Variants in ZBTB20 observed in about 807,000 individuals in gnomAD.
The protein encoded by ZBTB20 is zinc finger and BTB domain-containing protein 20.
In ZBTB20, 9 loss-of-function variants were observed where a neutral mutation model predicts 56.9. That is an observed-to-expected ratio of 0.16 (90% CI 0.10 to 0.28). The LOEUF (loss-of-function observed/expected upper bound fraction) is 0.28. Ranked by LOEUF, ZBTB20 falls within the 10% of genes least tolerant of loss-of-function variation. ZBTB20 has a pLI of 1.00. For missense variants in ZBTB20, 655 were observed against 1,003.0 expected (o/e 0.65, Z 4.69); for synonymous variants, 417 against 420.7 (o/e 0.99, Z 0.11).
chr3:114,711,619 C>T (rs1469669545), intron 5 of ZBTB20, among the ~76,000 whole-genome samples: 1 of 152,152 alleles, frequency 6.6e-6, no homozygotes, highest in East Asian at 1.9e-4. Context: ...GACGTTTTCC[C>T]AGCCCAACTG....
chr3:115,038,949 T>G (rs2081038549), intron 2 of ZBTB20, among the ~76,000 whole-genome samples: 1 of 152,120 alleles, frequency 6.6e-6, no homozygotes, highest in Non-Finnish European at 1.5e-5. Flanking sequence ...TCTCTCCCTT[T>G]ACTGGAGATT....
intron 7 of ZBTB20, among the ~76,000 whole-genome samples, chr3:114,455,053 AG>A (rs544523587): frequency 1.8e-4 from 21 of 113,956 alleles, no homozygotes; most frequent in Admixed American, 6.7e-4. Flanking sequence ...GAAGAGAGAG[AG>A]GGGGGGGAGA....
At chr3:114,461,296 T>TCCC (rs55841623) in intron 7 of ZBTB20, among the ~76,000 whole-genome samples, 5 of 128,818 alleles carry the variant, frequency 3.9e-5, no homozygotes, top group Middle Eastern at 4.0e-3. Context: ...AACAATCTCC[T>TCCC]CCCCCCCCCC....
At chr3:114,388,430 C>T (rs553264432) in intron 8 of ZBTB20, 7 of 152,226 alleles carry the variant, frequency 4.6e-5, no homozygotes, top group East Asian at 1.9e-4. Context: ...CCTTGCATGG[C>T]GGGAACTAAA....
chr3:114,679,549 G>A (rs529948975), intron 6 of ZBTB20, among the ~76,000 whole-genome samples: 1 of 152,250 alleles, frequency 6.6e-6, no homozygotes, highest in Non-Finnish European at 1.5e-5. Flanking sequence ...ATCATCACTG[G>A]TCAATAGAGA....
At position 115,022,078 on chromosome 3, in the gene ZBTB20, A is replaced by C. The variant is rs1312504985; in HGVS notation, c.-506-47662T>G. Among the ~76,000 whole-genome samples the C allele has an allele frequency of 2.0e-5, 3 of 150,818 alleles. 1 individual carries two copies. Among genetic ancestry groups the C allele is most frequent in the Middle Eastern group, 6.5e-3 (2 of 310 alleles). On this transcript the variant is annotated intron_variant, in intron 2 of 11. Transcript: ENST00000675478. Reference sequence around the variant, plus strand: ...TTGTTCAAAAGATTTGAATCTATTCACATAATAGTTCAGACAATCTCCATT... The same window carrying C: ...TTGTTCAAAAGATTTGAATCTATTCCCATAATAGTTCAGACAATCTCCATT...
At chr3:114,615,520 G>A (rs938752904) in intron 6 of ZBTB20, among the ~76,000 whole-genome samples, 7 of 152,200 alleles carry the variant, frequency 4.6e-5, no homozygotes, top group African/African-American at 1.7e-4. Context: ...GCCTCAACAT[G>A]CTGGAAGATC....
At chr3:114,890,837 T>C (rs1382970161) in intron 4 of ZBTB20, among the ~76,000 whole-genome samples, 6 of 152,242 alleles carry the variant, frequency 3.9e-5, no homozygotes, top group Admixed American at 3.9e-4. Context: ...CTAATAATTA[T>C]ATAACCACTT....
chr3:115,117,514 T>C (rs1348445831), intron 1 of ZBTB20, among the ~76,000 whole-genome samples: 1 of 152,154 alleles, frequency 6.6e-6, no homozygotes, highest in Non-Finnish European at 1.5e-5. Context: ...CAAGTTTGCC[T>C]AGGTATTATT....
intron 3 of ZBTB20, among the ~76,000 whole-genome samples, chr3:114,934,362 T>A (rs1288759286): frequency 6.6e-6 from 1 of 152,204 alleles, no homozygotes; most frequent in African/African-American, 2.4e-5. Context: ...GCCACAGCAC[T>A]TTGCTCTTTT....
At chr3:114,662,958 C>T (rs912178113) in intron 6 of ZBTB20, among the ~76,000 whole-genome samples, 3 of 151,412 alleles carry the variant, frequency 2.0e-5, no homozygotes, top group African/African-American at 7.3e-5. Flanking sequence ...AGTTGGAAAA[C>T]ACTCTGCAGG....
At chr3:114,471,498 G>A (rs2040123560) in intron 7 of ZBTB20, among the ~76,000 whole-genome samples, 1 of 152,198 alleles carries the variant, frequency 6.6e-6, no homozygotes, top group African/African-American at 2.4e-5. Flanking sequence ...GGGAACAGAT[G>A]AGGAAACAAG....
intron 2 of ZBTB20, among the ~76,000 whole-genome samples, chr3:114,987,180 T>G (rs760531340): frequency 6.6e-6 from 1 of 152,152 alleles, no homozygotes; most frequent in Non-Finnish European, 1.5e-5. Flanking sequence ...TCAGTTTGAT[T>G]CAGTATTCAA....
intron 6 of ZBTB20, among the ~76,000 whole-genome samples, chr3:114,568,108 A>T (rs2052997322): frequency 6.6e-6 from 1 of 152,192 alleles, no homozygotes; most frequent in Non-Finnish European, 1.5e-5. Flanking sequence ...CGGAGAGATA[A>T]CCCTAGCTTT....
chr3:114,990,595 G>C (rs2078760714), intron 2 of ZBTB20, among the ~76,000 whole-genome samples: 2 of 152,096 alleles, frequency 1.3e-5, no homozygotes, highest in African/African-American at 4.8e-5. Context: ...GCCAGGCTTT[G>C]GTATCAGGAT....
At chr3:114,364,099 A>G (rs2082152340) in intron 10 of ZBTB20, among the ~76,000 whole-genome samples, 1 of 152,100 alleles carries the variant, frequency 6.6e-6, no homozygotes, top group East Asian at 1.9e-4. Flanking sequence ...CCCCAGCTTA[A>G]TTACTATTCT....
intron 8 of ZBTB20, among the ~76,000 whole-genome samples, chr3:114,384,873 G>A (rs1190202527): frequency 1.3e-5 from 2 of 152,188 alleles, no homozygotes; most frequent in African/African-American, 2.4e-5. Context: ...TAACCAGATC[G>A]GCGGCATTTG....
At chr3:114,887,859 C>T (rs2076657736) in intron 4 of ZBTB20, among the ~76,000 whole-genome samples, 1 of 152,058 alleles carries the variant, frequency 6.6e-6, no homozygotes, top group South Asian at 2.1e-4. Flanking sequence ...AAATAGTGAT[C>T]TCAAAGCCCC....
chr3:114,798,026 A>C (rs1466010339), intron 5 of ZBTB20, among the ~76,000 whole-genome samples: 3 of 151,984 alleles, frequency 2.0e-5, no homozygotes, highest in Non-Finnish European at 4.4e-5. Flanking sequence ...ATTCATTTTA[A>C]AATATTAAAG....
Sources: allele counts gnomAD v4.1 joint callset (sites outside exome capture counted in the v4.1 genomes callset), GRCh38; gene constraint gnomAD v4.1.1; transcripts MANE v1.5; gene names NCBI Gene and HGNC (gene_info 2026-07-23, HGNC 2026-07-21).